The following NFIB variants were observed in gnomAD, a reference collection of about 807,000 sequenced individuals.
The protein encoded by NFIB is nuclear factor I B.
In NFIB, 11 loss-of-function variants were observed where a neutral mutation model predicts 61.5. The observed-to-expected ratio is 0.18, with a 90% CI of 0.11 to 0.30. The LOEUF is 0.30. NFIB is among the 10% of genes least tolerant of loss of function. The pLI is 1.00. For synonymous variants in NFIB, 260 were observed against 216.5 expected (o/e 1.20, Z -1.76); for missense variants, 471 against 608.9 (o/e 0.77, Z 2.38).
At chr9:14,137,022 G>A (rs1396466915) in intron 6 of NFIB, among the ~76,000 whole-genome samples, 5 of 152,100 alleles carry the variant, frequency 3.3e-5, no homozygotes, top group African/African-American at 1.2e-4. Context: ...AATGGTTTTA[G>A]AAATCATGTG....
chr9:14,224,533 C>G (rs541270668), intron 2 of NFIB, among the ~76,000 whole-genome samples: 1 of 152,192 alleles, frequency 6.6e-6, no homozygotes, highest in South Asian at 2.1e-4. Flanking sequence ...AAAAATTCCA[C>G]AAACTTACAA....
chr9:14,355,762 C>G (rs1381804462), intron 1 of NFIB, among the ~76,000 whole-genome samples: 3 of 152,190 alleles, frequency 2.0e-5, no homozygotes, highest in African/African-American at 7.2e-5. Flanking sequence ...CGAGACCATC[C>G]TGCCTAACAC....
intron 10 of NFIB, chr9:14,102,406 A>G (rs1286183729): frequency 6.5e-7 from 1 of 1,544,972 alleles, no homozygotes; most frequent in Non-Finnish European, 8.8e-7. Flanking sequence ...AGGGTTGGAA[A>G]TAATTAAAAT....
chr9:14,234,405 T>C (rs1733319303), intron 2 of NFIB, among the ~76,000 whole-genome samples: 1 of 151,938 alleles, frequency 6.6e-6, no homozygotes, highest in African/African-American at 2.4e-5. Context: ...AGTCTTGCTC[T>C]GTTGCCCAGG....
chr9:14,259,043 G>A (rs925026625), intron 2 of NFIB, among the ~76,000 whole-genome samples: 1 of 152,176 alleles, frequency 6.6e-6, no homozygotes, highest in African/African-American at 2.4e-5. Context: ...AATCAAATTT[G>A]TGGTTTTGCC....
chr9:14,344,763 CA>C (rs1181349980), intron 1 of NFIB, among the ~76,000 whole-genome samples: 1 of 142,540 alleles, frequency 7.0e-6, no homozygotes, highest in Non-Finnish European at 1.5e-5. Context: ...AAAGGAAAGA[CA>C]AAAAGGAGAA....
intron 2 of NFIB, among the ~76,000 whole-genome samples, chr9:14,271,681 C>A (rs1301106852): frequency 6.6e-6 from 1 of 152,154 alleles, no homozygotes; most frequent in Non-Finnish European, 1.5e-5. Context: ...GATAACCACA[C>A]TGCTGTTACA....
intron 10 of NFIB, among the ~76,000 whole-genome samples, chr9:14,102,827 T>A (rs1452782015): frequency 2.0e-5 from 3 of 152,166 alleles, no homozygotes; most frequent in African/African-American, 4.8e-5. Flanking sequence ...TAATGTTCAA[T>A]AGAGAGATAT....
the NFIB span, among the ~76,000 whole-genome samples, chr9:14,417,927 C>T: frequency 7.2e-5 from 11 of 151,842 alleles, no homozygotes; most frequent in East Asian, 5.8e-4. Flanking sequence ...ATTACAGGTG[C>T]CCCCCACGCC....
chr9:14,496,331 G>C, the NFIB span, among the ~76,000 whole-genome samples: 1 of 152,148 alleles, frequency 6.6e-6, no homozygotes, highest in Non-Finnish European at 1.5e-5. Context: ...TGGAGACACT[G>C]AATAAACTGT....
intron 2 of NFIB, among the ~76,000 whole-genome samples, chr9:14,258,226 A>G (rs759617706): frequency 4.4e-4 from 67 of 152,378 alleles, no homozygotes; most frequent in Non-Finnish European, 6.5e-4. Context: ...AATTTATTCC[A>G]ACATGCAATT....
chr9:14,457,562 A>G, the NFIB span, among the ~76,000 whole-genome samples: 6 of 132,660 alleles, frequency 4.5e-5, no homozygotes, highest in Admixed American at 8.4e-5. Context: ...CAAAAAATCA[A>G]TGAATCCAGG....
At chr9:14,337,303 G>A (rs531937271) in intron 1 of NFIB, among the ~76,000 whole-genome samples, 144 of 152,282 alleles carry the variant, frequency 9.5e-4, no homozygotes, top group South Asian at 1.7e-3. Context: ...ACAACACACG[G>A]TTGAAAGAAA....
chr9:14,355,912 A>G (rs766370022), intron 1 of NFIB, among the ~76,000 whole-genome samples: 1 of 151,746 alleles, frequency 6.6e-6, no homozygotes, highest in African/African-American at 2.4e-5. Context: ...AGCTGAGATC[A>G]CGCCACTGCA....
At chr9:14,529,222 T>A in the NFIB span, among the ~76,000 whole-genome samples, 1 of 152,294 alleles carries the variant, frequency 6.6e-6, no homozygotes, top group African/African-American at 2.4e-5. Flanking sequence ...TACGTCTTGT[T>A]TGGGCTTTTT....
At position 14,085,002 on chromosome 9, in the gene NFIB, T is replaced by C. The variant is rs773797931; in HGVS notation, c.*3307A>G. 9.6e-5 allele frequency: 22 copies of C among 229,064 alleles called. No individual in the cohort carries two copies. The highest frequency in any genetic ancestry group is 1.8e-4 in the Non-Finnish European group (21 of 115,270). 14.2% of individuals were successfully genotyped at this position (229,064 alleles called of 1,614,324 possible). On this transcript the variant is annotated 3_prime_UTR_variant, in exon 11 of 11. Coordinates refer to ENST00000380953, the MANE Select transcript of NFIB (RefSeq NM_001190737.2). Reference sequence around the variant, plus strand: ...GCGAGTCTGCCTTTAAAAAATACTGTGTGTCCTGTGAGGTTCATTTGTTCA... The same window carrying C: ...GCGAGTCTGCCTTTAAAAAATACTGCGTGTCCTGTGAGGTTCATTTGTTCA...
intron 1 of NFIB, among the ~76,000 whole-genome samples, chr9:14,329,666 C>A (rs2060797654): frequency 6.6e-6 from 1 of 151,974 alleles, no homozygotes; most frequent in African/African-American, 2.4e-5. Context: ...AGGTGCGTAC[C>A]ACCATGCCTG....
chr9:14,222,795 C>CAAAAATA (rs2051846302), intron 2 of NFIB, among the ~76,000 whole-genome samples: 1 of 86,770 alleles, frequency 1.2e-5, no homozygotes, highest in Non-Finnish European at 2.1e-5. Flanking sequence ...GATCCTGTCT[C>CAAAAATA]AAAAAAAAAA....
At chr9:14,363,074 G>A (rs972435368) in intron 1 of NFIB, among the ~76,000 whole-genome samples, 1 of 152,052 alleles carries the variant, frequency 6.6e-6, no homozygotes. Context: ...TTTAATATAA[G>A]TATACACTCT....
Sources: gnomAD v4.1 joint callset for allele counts (sites outside exome capture counted in the v4.1 genomes callset) on GRCh38, gnomAD v4.1.1 for gene constraint, MANE v1.5 for transcripts, NCBI Gene and HGNC (gene_info 2026-07-23, HGNC 2026-07-21) for gene names.